Variants in SHLD2 observed in about 807,000 individuals in gnomAD.
SHLD2 encodes the protein shieldin complex subunit 2, also known as RINN1-REV7-interacting novel NHEJ regulator 2.
A neutral mutation model predicts 73.2 loss-of-function variants in SHLD2; 30 were observed. That is an observed-to-expected ratio of 0.41 (90% CI 0.31 to 0.56). The LOEUF (loss-of-function observed/expected upper bound fraction) is 0.56, where lower values mean the gene tolerates loss of function less well. Ranked by LOEUF, SHLD2 falls within the 20% of genes least tolerant of loss-of-function variation. SHLD2 has a pLI of 0.28. For missense variants in SHLD2, 745 were observed against 1,055.9 expected (o/e 0.71, Z 4.08); for synonymous variants, 285 against 370.1 (o/e 0.77, Z 2.64).
chr10:87,117,840 AATTCTCT>A (rs1283635581), intron 2 of SHLD2, among the ~76,000 whole-genome samples: 2 of 152,204 alleles, frequency 1.3e-5, no homozygotes, highest in African/African-American at 4.8e-5. Flanking sequence ...TTGGTGATGG[AATTCTCT>A]ATTGTTTCGA....
chr10:87,122,617 C>G (rs1295601726), intron 2 of SHLD2, among the ~76,000 whole-genome samples: 2 of 152,044 alleles, frequency 1.3e-5, no homozygotes, highest in African/African-American at 4.8e-5. Context: ...CCTGCCCTGG[C>G]AGACTAAGCG....
At chr10:87,164,974 C>G (rs1201364138) in intron 4 of SHLD2, among the ~76,000 whole-genome samples, 1 of 151,804 alleles carries the variant, frequency 6.6e-6, no homozygotes, top group African/African-American at 2.4e-5. Context: ...ATGGCTTGAG[C>G]CCAGGAGTTC....
intron 2 of SHLD2, among the ~76,000 whole-genome samples, chr10:87,140,682 T>C (rs1228279547): frequency 6.6e-6 from 1 of 150,762 alleles, no homozygotes; most frequent in Non-Finnish European, 1.5e-5. Context: ...CCTAGGTATG[T>C]AATAATAAAA....
At chr10:87,094,860 GT>G, upstream of SHLD2, 1 of 1,073,046 alleles carries the variant, frequency 9.3e-7, no homozygotes, top group South Asian at 1.5e-5. The surrounding 1 kb of genome is among the most constrained non-coding windows in gnomAD (Gnocchi z 6.6). Flanking sequence ...TCCCGCGCGG[GT>G]TGCCCTTTTA....
In SHLD2 at chr10:87,187,154, G is replaced by A; in HGVS notation, c.2469G>A (p.Glu823=). Residue 823 remains glutamate, a synonymous_variant, in exon 9 of 10, where the codon GAG becomes GAA. Transcript: ENST00000298786. ...VCIRVESKLI[E]KILLNISADC... ...TCCGTGTAGAATCAAAGCTGATAGA[G>A]AAGATTCTTCTCAACATTTCTGCAG... 8.7e-6 allele frequency: 14 copies of A among 1,613,200 alleles called. No individual in the cohort carries two copies. The highest frequency in any genetic ancestry group is 1.3e-5 in the African/African-American group (1 of 75,008).
chr10:87,136,514 G>A (rs1229135754), intron 2 of SHLD2, among the ~76,000 whole-genome samples: 1 of 151,662 alleles, frequency 6.6e-6, no homozygotes, highest in African/African-American at 2.4e-5. Context: ...AGCTGACAGA[G>A]CCAGAAAATG....
intron 2 of SHLD2, among the ~76,000 whole-genome samples, chr10:87,125,004 A>G (rs1461553418): frequency 6.6e-6 from 1 of 152,096 alleles, no homozygotes; most frequent in Non-Finnish European, 1.5e-5. Context: ...CGGCCTCCCA[A>G]AGTGTTAGGA....
intron 4 of SHLD2, among the ~76,000 whole-genome samples, chr10:87,163,930 G>A (rs1035549523): frequency 1.3e-5 from 2 of 150,584 alleles, no homozygotes; most frequent in Non-Finnish European, 3.0e-5. Flanking sequence ...ATCTTCATCT[G>A]TAAACATTTT....
At chr10:87,153,431 T>C (rs1846155560) in intron 3 of SHLD2, among the ~76,000 whole-genome samples, 1 of 152,262 alleles carries the variant, frequency 6.6e-6, no homozygotes, top group East Asian at 1.9e-4. Context: ...CTAATAATGC[T>C]GTGCACATTG....
In SHLD2 at chr10:87,170,764, G is replaced by C; in HGVS notation, c.1829-76G>C. The C allele has an allele frequency of 7.5e-6, 12 of 1,598,502 alleles. No individual in the cohort carries two copies. In the South Asian group the frequency reaches 1.4e-4, roughly 18 times the overall value. ...GTACCATTTGGTTATCACTATATAT[G>C]TATCATCAGCTATTAAAGTATGGTA... On this transcript the variant is annotated intron_variant, in intron 5 of 9. Transcript: ENST00000298786.
chr10:87,180,812 G>C (rs987599737), intron 8 of SHLD2, among the ~76,000 whole-genome samples: 2 of 152,140 alleles, frequency 1.3e-5, no homozygotes, highest in Non-Finnish European at 2.9e-5. Context: ...GTAGTCAAAA[G>C]CTCAGATATT....
intron 2 of SHLD2, among the ~76,000 whole-genome samples, chr10:87,141,344 T>G (rs1328191732): frequency 4.0e-5 from 6 of 149,792 alleles, no homozygotes; most frequent in Admixed American, 1.3e-4. Flanking sequence ...GGTGTTTTTT[T>G]TTTTTTTTTT....
Position 87,170,537 on chromosome 10 carries a change from C to G in SHLD2, c.1693C>G (p.His565Asp), listed in dbSNP as rs761643329. The change falls in exon 5 of 10, where the codon CAT becomes GAT. Residue 565 changes from histidine (H) to aspartate (D), a missense_variant. Transcript: ENST00000298786. ...CTTACTGGCATATGTGTCCTCAAAA[C>G]ATTCCTACCTCAGAGATCTTCCTCC... ...QDLLAYVSSK[H>D]SYLRDLPPRQ... 6.2e-7 allele frequency: 1 copy of G among 1,612,688 alleles called. No individual in the cohort carries two copies. Among genetic ancestry groups the G allele is most frequent in the Non-Finnish European group, 8.5e-7 (1 of 1,179,464 alleles).
chr10:87,138,838 T>A (rs1844985850), intron 2 of SHLD2, among the ~76,000 whole-genome samples: 1 of 152,104 alleles, frequency 6.6e-6, no homozygotes, highest in Non-Finnish European at 1.5e-5. Context: ...CACAGGATAG[T>A]GATCCCTGAG....
chr10:87,190,034 G>A (rs559027135), intron 9 of SHLD2, among the ~76,000 whole-genome samples: 19 of 152,202 alleles, frequency 1.2e-4, no homozygotes, highest in African/African-American at 4.3e-4. Flanking sequence ...ACTAGAAAGA[G>A]AAGGTATAGA....
chr10:87,124,642 G>A (rs903651284), intron 2 of SHLD2, among the ~76,000 whole-genome samples: 9 of 152,078 alleles, frequency 5.9e-5, no homozygotes, highest in South Asian at 2.1e-4. Context: ...TGCTGCTGTC[G>A]CTCACTGGTG....
At chr10:87,145,984 CT>C (rs1374913169) in intron 2 of SHLD2, among the ~76,000 whole-genome samples, 1 of 152,198 alleles carries the variant, frequency 6.6e-6, no homozygotes, top group African/African-American at 2.4e-5. Context: ...TTGTTTCCCC[CT>C]GCCCTTGCCA....
chr10:87,121,851 G>T (rs1173158199), intron 2 of SHLD2, among the ~76,000 whole-genome samples: 7 of 143,240 alleles, frequency 4.9e-5, no homozygotes, highest in African/African-American at 1.8e-4. Context: ...TGCATCCTCC[G>T]CCTCCTAGGT....
In SHLD2 at chr10:87,165,190, G is replaced by GA. The variant is rs61041593; in HGVS notation, c.1634-5275dup. On this transcript the variant is annotated intron_variant, in intron 4 of 9. Coordinates refer to ENST00000298786, the MANE Select transcript of SHLD2 (RefSeq NM_001330112.2). ...CAACAGAGTGAGACTCTGTCTCAAG[G>GA]AAAAAAAAAAAAATACAAAACACAA... Among the ~76,000 whole-genome samples the GA allele has an allele frequency of 1.3e-3, 185 of 144,230 alleles. 1 individual carries two copies. The highest frequency in any genetic ancestry group is 4.2e-3 in the African/African-American group (166 of 39,246). 94.6% of individuals were successfully genotyped at this position (144,230 alleles called of 152,430 possible). A position where few individuals can be genotyped will look rare whatever the true frequency, so the allele number is the denominator to read the frequency against.
Sources: allele counts gnomAD v4.1 joint callset (sites outside exome capture counted in the v4.1 genomes callset), GRCh38; gene constraint gnomAD v4.1.1; non-coding constraint Gnocchi (gnomAD v3.1); transcripts MANE v1.5; gene names NCBI Gene and HGNC (gene_info 2026-07-23, HGNC 2026-07-21).